PLXNB1: variants seen among roughly 807,000 people sequenced by gnomAD.
The protein encoded by PLXNB1 is plexin B1, also known as plexin-B1.
In PLXNB1, 106 loss-of-function variants were observed where a neutral mutation model predicts 209.4. The ratio of observed to expected loss-of-function variants is 0.51; its 90% CI spans 0.43 to 0.59. The LOEUF is 0.59. PLXNB1 is among the 20% of genes least tolerant of loss of function. The pLI is 0.00. For synonymous variants in PLXNB1, 1,167 were observed against 1,183.2 expected (o/e 0.99, Z 0.28); for missense variants, 2,357 against 2,853.2 (o/e 0.83, Z 3.96).
Position 48,409,181 on chromosome 3 carries a change from G to T in PLXNB1, c.6087+148C>A. ...CCTCTTGCTCATCCCTTAAAACTGA[G>T]GTGGCCCCGGGATGAAGCCTTGGCT... On this transcript the variant is annotated intron_variant, in intron 34 of 37. Transcript: ENST00000296440. The surrounding 1 kb of genome is among the most constrained non-coding windows in gnomAD (Gnocchi z 5.8). The T allele has an allele frequency of 2.4e-6, 2 of 848,990 alleles. No individual in the cohort carries two copies. The highest frequency in any genetic ancestry group is 3.6e-6 in the Non-Finnish European group (2 of 551,840). The allele number at this position is 848,990 out of a possible 1,614,324, so 52.6% of individuals were successfully genotyped here.
Position 48,419,718 on chromosome 3 carries a change from C to T in PLXNB1, c.2568G>A (p.Thr856=), listed in dbSNP as rs747022266. ...GGELPEADEW[T]GGDAPAFSTS... ...TGGAGAAGGCGGGTGCGTCACCCCCCGTCCACTCGTCCGCCTCGGGCAGCT... is the reference window on the plus strand; with the variant it reads ...TGGAGAAGGCGGGTGCGTCACCCCCTGTCCACTCGTCCGCCTCGGGCAGCT... The change falls in exon 11 of 38, where the codon ACG becomes ACA. Residue 856 remains threonine (T), a synonymous_variant. Transcript: ENST00000296440. This position sits in a 1 kb window ranked among gnomAD's most constrained non-coding sequence, Gnocchi z 5.7. 8 of 1,611,408 alleles carry T rather than the reference C, an allele frequency of 5.0e-6. No individual in the cohort carries two copies. Among genetic ancestry groups the T allele is most frequent in the Non-Finnish European group, 6.8e-6 (8 of 1,179,620 alleles).
chr3:48,409,685 C>T lies in PLXNB1; in HGVS notation c.5825G>A (p.Ser1942Asn). Residue 1942 changes from serine to asparagine, a missense_variant, in exon 33 of 38, where the codon AGC becomes AAC. Transcript: ENST00000296440. This position sits in a 1 kb window ranked among gnomAD's most constrained non-coding sequence, Gnocchi z 5.8. ...AGCGAGCGGCACGGGGCGGCTGGTG[C>T]TGAGAATCACCTGGAACAGGTCATC... ...FVDDLFQVIL[S>N]TSRPVPLAVK... 6.2e-7 allele frequency: 1 copy of T among 1,613,922 alleles called. No homozygotes were observed. Among genetic ancestry groups the T allele is most frequent in the Middle Eastern group, 1.6e-4 (1 of 6,062 alleles).
At chr3:48,423,387 T>C (rs2038660256) in intron 3 of PLXNB1, 118 bp downstream of exon 3, 1 of 1,121,972 alleles carries the variant, frequency 8.9e-7, no homozygotes, top group East Asian at 2.4e-5. Flanking sequence ...TATTTGCTGA[T>C]CTGATCATCC....
Position 48,404,490 on chromosome 3 carries a change from A to G in PLXNB1, c.6404T>C (p.Leu2135Pro). The stretch of plus-strand genomic sequence containing the variant: ...CAGGCCGTGGCTCCTGGGTTCCTAT[A>G]GATCTGTGACCTTGTTTTCCACAGC... ...AAAVENKVTD[L>P] Residue 2135 changes from leucine (L) to proline (P), a missense_variant, in exon 38 of 38, where the codon CTA becomes CCA. Leu to Pro is a moderately conservative substitution (Grantham distance 98). Transcript: ENST00000296440. 1 of 1,609,068 alleles carries G rather than the reference A, an allele frequency of 6.2e-7. No homozygotes were observed. Among genetic ancestry groups the G allele is most frequent in the South Asian group, 1.1e-5 (1 of 90,944 alleles).
rs2038114376 is a variant in PLXNB1 at position 48,416,505 on chromosome 3, G to A, written c.3375-54C>T. The A allele has an allele frequency of 8.0e-7, 1 of 1,246,360 alleles. No homozygotes were observed. Among genetic ancestry groups the A allele is most frequent in the Middle Eastern group, 2.0e-4 (1 of 4,962 alleles). 77.2% of individuals were successfully genotyped at this position (1,246,360 alleles called of 1,614,324 possible). On this transcript the variant is annotated intron_variant, in intron 16 of 37. Transcript: ENST00000296440. This position sits in a 1 kb window ranked among gnomAD's most constrained non-coding sequence, Gnocchi z 4.1. ...CCAGGCTGCATCAAGGGCCCCTCAAGCTTACCTGGCAGCCCCTCTCCCTGC... is the reference window on the plus strand; with the variant it reads ...CCAGGCTGCATCAAGGGCCCCTCAAACTTACCTGGCAGCCCCTCTCCCTGC...
intron 21 of PLXNB1, 68 bp downstream of exon 21, chr3:48,414,731 C>T (rs1291709625): frequency 1.4e-5 from 22 of 1,563,366 alleles, no homozygotes; most frequent in East Asian, 2.3e-5. Flanking sequence ...CTCTCCGCCA[C>T]ACACAGCAGT....
At chr3:48,426,210 C>G (rs1431162004) in intron 1 of PLXNB1, among the ~76,000 whole-genome samples, 1 of 152,202 alleles carries the variant, frequency 6.6e-6, no homozygotes, top group Non-Finnish European at 1.5e-5. Flanking sequence ...TGGCTGTTCC[C>G]AGGCCCATCC....
intron 1 of PLXNB1, among the ~76,000 whole-genome samples, chr3:48,428,811 T>A: frequency 8.0e-6 from 1 of 125,254 alleles, no homozygotes; most frequent in South Asian, 2.9e-4. Context: ...GAGAGGAGGG[T>A]CCCCCCCACC....
At position 48,414,841 on chromosome 3, in the gene PLXNB1, G is replaced by T; in HGVS notation, c.4167C>A (p.Thr1389=). The change falls in exon 21 of 38, where the codon ACC becomes ACA. Residue 1389 remains threonine, a synonymous_variant. Coordinates refer to ENST00000296440, the MANE Select transcript of PLXNB1 (RefSeq NM_001130082.3). The part of the protein sequence containing the change: ...TLQPLNPEDP[T]MPFRHKPGSV... ...TCCCAGGCTTGTGCCGGAATGGCAT[G>T]GTGGGGTCCTCAGGGTTGAGTGGCT... 1.2e-6 allele frequency: 2 copies of T among 1,614,102 alleles called. No individual in the cohort carries two copies. Among genetic ancestry groups the T allele is most frequent in the Non-Finnish European group, 1.7e-6 (2 of 1,180,028 alleles).
In PLXNB1 at chr3:48,415,554, G is replaced by A. The variant is rs1033883764; in HGVS notation, c.3794+29C>T. ...AGCTGCAAAGACCTCCCTGCCACCT[G>A]CCATGCAGCCACACCCCTGGCCCAA... On this transcript the variant is annotated intron_variant, in intron 19 of 37. Coordinates refer to ENST00000296440, the MANE Select transcript of PLXNB1 (RefSeq NM_001130082.3). This position sits in a 1 kb window ranked among gnomAD's most constrained non-coding sequence, Gnocchi z 5.0. 1 of 1,540,640 alleles carries A rather than the reference G, an allele frequency of 6.5e-7. No homozygotes were observed. The highest frequency in any genetic ancestry group is 2.4e-5 in the East Asian group (1 of 42,104).
chr3:48,414,880 G>C lies in PLXNB1; in HGVS notation c.4128C>G (p.Ala1376=), dbSNP rs200587422. The C allele has an allele frequency of 4.3e-6, 7 of 1,614,044 alleles. No individual in the cohort carries two copies. Among genetic ancestry groups the C allele is most frequent in the Non-Finnish European group, 5.9e-6 (7 of 1,180,040 alleles). ...TLNPTPFSYE[A]DPTLQPLNPE... ...GGTTGAGTGGCTGCAGGGTGGGGTC[G>C]GCCTCATAGGAGAAAGGTGTGGGGT... The change falls in exon 21 of 38, where the codon GCC becomes GCG. Residue 1376 remains alanine (A), a synonymous_variant. Coordinates refer to ENST00000296440, the MANE Select transcript of PLXNB1 (RefSeq NM_001130082.3).
rs1434975059 is a variant in PLXNB1, at chr3:48,413,101, C to T, written c.4604G>A (p.Ser1535Asn). The change falls in exon 24 of 38, where the codon AGT becomes AAT. Residue 1535 changes from serine to asparagine, a missense_variant. Coordinates refer to ENST00000296440, the MANE Select transcript of PLXNB1 (RefSeq NM_001130082.3). The surrounding 1 kb of genome is among the most constrained non-coding windows in gnomAD (Gnocchi z 5.4). ...VQIQLENLESSVRDRCKKEFT... is the reference protein window; with the variant it reads ...VQIQLENLESNVRDRCKKEFT... ...TTCCTTCTTGCAGCGGTCCCGCACA[C>T]TGCTCTCCAGATTCTCCAGCTGGAT... 1.1e-5 allele frequency: 17 copies of T among 1,613,870 alleles called. No individual in the cohort carries two copies. The highest frequency in any genetic ancestry group is 1.4e-5 in the Non-Finnish European group (16 of 1,179,984).
chr3:48,419,844 C>T lies in PLXNB1; in HGVS notation c.2442G>A (p.Val814=). Residue 814 remains valine (V), a synonymous_variant, in exon 11 of 38, where the codon GTG becomes GTA. Coordinates refer to ENST00000296440, the MANE Select transcript of PLXNB1 (RefSeq NM_001130082.3). The surrounding 1 kb of genome is among the most constrained non-coding windows in gnomAD (Gnocchi z 5.7). ...DPGPEALHPT[V]PLDLPPATVP... Reference sequence around the variant, plus strand: ...CAGTGGCAGGGGGCAGGTCCAGGGGCACTGTGGGATGAAGAGCCTCGGGGC... The same window carrying T: ...CAGTGGCAGGGGGCAGGTCCAGGGGTACTGTGGGATGAAGAGCCTCGGGGC... 6.3e-7 allele frequency: 1 copy of T among 1,575,020 alleles called. No homozygotes were observed. Among genetic ancestry groups the T allele is most frequent in the Non-Finnish European group, 8.6e-7 (1 of 1,158,918 alleles).
Position 48,422,340 on chromosome 3 carries a change from G to A in PLXNB1, c.1410C>T (p.Thr470=), listed in dbSNP as rs774850113. The A allele has an allele frequency of 3.7e-6, 6 of 1,610,912 alleles. No homozygotes were observed. The highest frequency in any genetic ancestry group is 5.1e-6 in the Non-Finnish European group (6 of 1,178,438). ...DGTFEHLYVM[T]QSTLLKVPVA... Reference sequence around the variant, plus strand: ...TGTGCCTGGCACTCACTGTGCTCTGGGTCATGACATACAGGTGCTCAAAGG... The same window carrying A: ...TGTGCCTGGCACTCACTGTGCTCTGAGTCATGACATACAGGTGCTCAAAGG... Residue 470 remains threonine (T), a synonymous_variant, in exon 5 of 38, where the codon ACC becomes ACT. Transcript: ENST00000296440.
chr3:48,417,210 C>T lies in PLXNB1; in HGVS notation c.3374+701G>A, dbSNP rs2038158511. ...CACTCCGTGCTCCAGGAGAGTGGTT[C>T]CTTGTTTCAAATACAGATTTGGGGG... On this transcript the variant is annotated intron_variant, in intron 16 of 37. Transcript: ENST00000296440. This position sits in a 1 kb window ranked among gnomAD's most constrained non-coding sequence, Gnocchi z 4.4. Among the ~76,000 whole-genome samples the T allele has an allele frequency of 6.6e-6, 1 of 152,250 alleles. No individual in the cohort carries two copies. The highest frequency in any genetic ancestry group is 2.1e-4 in the South Asian group (1 of 4,830).
At position 48,405,336 on chromosome 3, in the gene PLXNB1, G is replaced by A. The variant is rs2037248009; in HGVS notation, c.6303+388C>T. On this transcript the variant is annotated intron_variant, in intron 37 of 37. Coordinates refer to ENST00000296440, the MANE Select transcript of PLXNB1 (RefSeq NM_001130082.3). The surrounding 1 kb of genome is among the most constrained non-coding windows in gnomAD (Gnocchi z 5.0). ...GCTCCAGTGTACCCTCACACCCCTG[G>A]CCCTGTGCCTGGACTCTCCTCTTCG... Among the ~76,000 whole-genome samples, 1 of 152,140 alleles carries A rather than the reference G, an allele frequency of 6.6e-6. No individual in the cohort carries two copies.
In PLXNB1 at chr3:48,410,419, C is replaced by A. The variant is rs2037600151; in HGVS notation, c.5520+36G>T. The A allele has an allele frequency of 6.2e-7, 1 of 1,611,414 alleles. No individual in the cohort carries two copies. Among genetic ancestry groups the A allele is most frequent in the African/African-American group, 1.3e-5 (1 of 74,854 alleles). On this transcript the variant is annotated intron_variant, in intron 30 of 37. Coordinates refer to ENST00000296440, the MANE Select transcript of PLXNB1 (RefSeq NM_001130082.3). This position sits in a 1 kb window ranked among gnomAD's most constrained non-coding sequence, Gnocchi z 6.4. ...CTGGTGATCCCTCCACCAGTCCCAC[C>A]CCACCATGCCCTCCTCCAGCTCCCA...
chr3:48,406,684 A>T lies in PLXNB1; in HGVS notation c.6228+139T>A. The stretch of plus-strand genomic sequence containing the variant: ...TTCAGTGGCAGTTGGAACATTCTGC[A>T]TTTATGTTTCCTGCCCCAACCAGCT... On this transcript the variant is annotated intron_variant, in intron 36 of 37. Coordinates refer to ENST00000296440, the MANE Select transcript of PLXNB1 (RefSeq NM_001130082.3). This position sits in a 1 kb window ranked among gnomAD's most constrained non-coding sequence, Gnocchi z 4.4. The T allele has an allele frequency of 7.0e-7, 1 of 1,437,298 alleles. No homozygotes were observed. The highest frequency in any genetic ancestry group is 9.1e-7 in the Non-Finnish European group (1 of 1,096,068). The allele number at this position is 1,437,298 out of a possible 1,614,324, so 89.0% of individuals were successfully genotyped here.
At chr3:48,428,150 A>C (rs1323520237) in intron 1 of PLXNB1, among the ~76,000 whole-genome samples, 1 of 152,044 alleles carries the variant, frequency 6.6e-6, no homozygotes, top group Admixed American at 6.6e-5. Context: ...ACCCAAGAAA[A>C]CCCAACAAGT....
Sources: gnomAD v4.1 joint callset for allele counts (sites outside exome capture counted in the v4.1 genomes callset) on GRCh38, gnomAD v4.1.1 for gene constraint, Gnocchi (gnomAD v3.1) non-coding constraint, MANE v1.5 for transcripts, NCBI Gene and HGNC (gene_info 2026-07-23, HGNC 2026-07-21) for gene names.